Variants in CPLX1 observed in about 807,000 individuals in gnomAD.
CPLX1 encodes complexin-1.
A neutral mutation model predicts 15.6 loss-of-function variants in CPLX1; 6 were observed. The observed-to-expected ratio is 0.39, with a 90% CI of 0.21 to 0.76. The LOEUF (loss-of-function observed/expected upper bound fraction) is 0.76. Ranked by LOEUF, CPLX1 falls within the 30% of genes least tolerant of loss-of-function variation. The probability of loss-of-function intolerance (pLI) is 0.43; values close to 1 mark genes in which losing one functional copy is unlikely to be tolerated. For missense variants in CPLX1, 242 were observed against 188.6 expected (o/e 1.28, Z -1.66); for synonymous variants, 91 against 75.2 (o/e 1.21, Z -1.08).
Position 786,268 on chromosome 4 carries a change from A to T in CPLX1, c.*233T>A. 5.2e-6 allele frequency: 2 copies of T among 385,144 alleles called. No homozygotes were observed. Among genetic ancestry groups the T allele is most frequent in the Non-Finnish European group, 9.2e-6 (2 of 217,770 alleles). 23.9% of individuals were successfully genotyped at this position (385,144 alleles called of 1,614,324 possible). ...AAACAGCAAGAGAAAGGGGCGTCCC[A>T]GGCGATGGGGCTCCAGCCACCCGCG... On this transcript the variant is annotated 3_prime_UTR_variant, in exon 4 of 4. Transcript: ENST00000304062.
intron 2 of CPLX1, among the ~76,000 whole-genome samples, chr4:804,305 G>A (rs1746514093): frequency 6.6e-6 from 1 of 152,170 alleles, no homozygotes; most frequent in South Asian, 2.1e-4. Context: ...AAACCTACCA[G>A]AACACATCAT....
chr4:792,553 G>C lies in CPLX1; in HGVS notation c.87C>G (p.Asp29Glu). ...GCCGCTCCTCCTCCTTCTTGGCGGC[G>C]TCTGGGTCCTTCTCCTCGTCACCCC... ...MLGGDEEKDPDAAKKEEERQE... is the reference protein window; with the variant it reads ...MLGGDEEKDPEAAKKEEERQE... Residue 29 changes from aspartate (D) to glutamate (E), a missense_variant, in exon 3 of 4, where the codon GAC (aspartate) becomes GAG (glutamate). Physicochemically the swap from Asp to Glu is conservative, Grantham distance 45. Transcript: ENST00000304062. 6.2e-7 allele frequency: 1 copy of C among 1,613,238 alleles called. No homozygotes were observed. Among genetic ancestry groups the C allele is most frequent in the Non-Finnish European group, 8.5e-7 (1 of 1,179,634 alleles).
intron 3 of CPLX1, 48 bp downstream of exon 3, chr4:792,385 C>G (rs576236702): frequency 2.7e-6 from 4 of 1,465,446 alleles, no homozygotes; most frequent in Admixed American, 4.8e-5. Context: ...TGGGTCCCCG[C>G]TGGACTCAGG....
At chr4:801,317 G>C (rs1232320369) in intron 2 of CPLX1, among the ~76,000 whole-genome samples, 1 of 151,708 alleles carries the variant, frequency 6.6e-6, no homozygotes, top group Non-Finnish European at 1.5e-5. Flanking sequence ...GCGAGACTCT[G>C]TCTCAAAAGA....
At chr4:792,290 CGCCACTCTGAAG>C in intron 3 of CPLX1, 131 bp downstream of exon 3, 1 of 724,292 alleles carries the variant, frequency 1.4e-6, no homozygotes, top group Non-Finnish European at 2.1e-6. Flanking sequence ...CTCACCCCTC[CGCCACTCTGAAG>C]CCCCCAAAGG....
chr4:825,085 G>C (rs1323049491), intron 1 of CPLX1, among the ~76,000 whole-genome samples: 1 of 152,168 alleles, frequency 6.6e-6, no homozygotes, highest in Non-Finnish European at 1.5e-5. Context: ...TATCCCTGAC[G>C]GCACTGCAGT....
At chr4:800,851 A>ATG (rs769952440) in intron 2 of CPLX1, among the ~76,000 whole-genome samples, 152 of 140,658 alleles carry the variant, frequency 1.1e-3, no homozygotes, top group African/African-American at 3.5e-3. Flanking sequence ...ATATATATGT[A>ATG]TATATATATA....
intron 2 of CPLX1, among the ~76,000 whole-genome samples, chr4:822,640 G>A (rs868315383): frequency 1.3e-5 from 2 of 152,014 alleles, no homozygotes; most frequent in Non-Finnish European, 2.9e-5. Flanking sequence ...CTTTGTGTCC[G>A]GGGCTTGGTC....
At chr4:824,746 G>A (rs1746942713) in intron 1 of CPLX1, 145 bp from the exon 2 acceptor site, 2 of 693,898 alleles carry the variant, frequency 2.9e-6, no homozygotes, top group Non-Finnish European at 5.3e-6. Context: ...CTTCGTGAGG[G>A]GCTTCTGTCC....
chr4:818,727 TG>T (rs1746807271), intron 2 of CPLX1, among the ~76,000 whole-genome samples: 2 of 152,268 alleles, frequency 1.3e-5, no homozygotes, highest in South Asian at 4.1e-4. Flanking sequence ...TGGCACTGTT[TG>T]GGTCACTTAT....
intron 2 of CPLX1, 66 bp from the exon 3 acceptor site, chr4:792,674 C>T (rs553761470): frequency 2.0e-4 from 295 of 1,510,484 alleles, no homozygotes; most frequent in Admixed American, 9.9e-4. Flanking sequence ...AGTGTCTCAG[C>T]CACACTCCCC....
rs1745983970 is a variant in CPLX1 at position 786,295 on chromosome 4, G to GA, written c.*205_*206insT. 5 of 427,778 alleles carry GA rather than the reference G, an allele frequency of 1.2e-5. No homozygotes were observed. Among genetic ancestry groups the GA allele is most frequent in the African/African-American group, 2.1e-5 (1 of 48,294 alleles). 26.5% of individuals were successfully genotyped at this position (427,778 alleles called of 1,614,324 possible). A position where few individuals can be genotyped will look rare whatever the true frequency, so the allele number is the denominator to read the frequency against. ...GCGATGGGGCTCCAGCCACCCGCGG[G>GA]CAGAGGAGCACGGGGCGGACTGGGG... is the stretch of plus-strand genomic sequence containing the variant. On this transcript the variant is annotated 3_prime_UTR_variant, in exon 4 of 4. Coordinates refer to ENST00000304062, the MANE Select transcript of CPLX1 (RefSeq NM_006651.4).
chr4:825,561 C>A (rs1180522720), intron 1 of CPLX1, among the ~76,000 whole-genome samples: 4 of 151,952 alleles, frequency 2.6e-5, no homozygotes, highest in African/African-American at 9.7e-5. Flanking sequence ...CTCGGCTTTG[C>A]GGGCGGGCGA....
intron 2 of CPLX1, among the ~76,000 whole-genome samples, chr4:792,877 G>A (rs1746226749): frequency 6.6e-6 from 1 of 152,186 alleles, no homozygotes; most frequent in South Asian, 2.1e-4. Flanking sequence ...GGGAGGGAGA[G>A]TGGCGCTGTG....
chr4:809,344 C>G (rs1433833888), intron 2 of CPLX1, among the ~76,000 whole-genome samples: 1 of 152,098 alleles, frequency 6.6e-6, no homozygotes, highest in Non-Finnish European at 1.5e-5. Flanking sequence ...CTCATTCTCC[C>G]CCAGAAAGGG....
intron 2 of CPLX1, among the ~76,000 whole-genome samples, chr4:807,824 A>C (rs936554211): frequency 3.3e-5 from 5 of 152,138 alleles, no homozygotes; most frequent in Non-Finnish European, 7.3e-5. Context: ...ATTTTAAATG[A>C]TTTATAATCT....
chr4:808,908 G>A (rs548506048), intron 2 of CPLX1, among the ~76,000 whole-genome samples: 1 of 152,364 alleles, frequency 6.6e-6, no homozygotes, highest in African/African-American at 2.4e-5. Flanking sequence ...TTCTTGGAAC[G>A]GAGAAAAAGA....
At chr4:824,719 C>A in intron 1 of CPLX1, 118 bp from the exon 2 acceptor site, 2 of 711,126 alleles carry the variant, frequency 2.8e-6, no homozygotes, top group South Asian at 3.0e-5. Context: ...CCACCTGGAG[C>A]GGCTGCCTGG....
chr4:824,364 G>A, intron 2 of CPLX1, 128 bp downstream of exon 2: 3 of 853,200 alleles, frequency 3.5e-6, no homozygotes, highest in Non-Finnish European at 5.8e-6. Context: ...CCAGGCTCCT[G>A]TGCAGGGCTG....
Sources: gnomAD v4.1 joint callset for allele counts (sites outside exome capture counted in the v4.1 genomes callset) on GRCh38, gnomAD v4.1.1 for gene constraint, MANE v1.5 for transcripts, NCBI Gene and HGNC (gene_info 2026-07-23, HGNC 2026-07-21) for gene names.